The following SRPK2 variants were observed in gnomAD, a reference collection of about 807,000 sequenced individuals.
SRPK2 encodes the protein SRSF protein kinase 2, also known as SFRS protein kinase 2.
A neutral mutation model predicts 90.8 loss-of-function variants in SRPK2; 21 were observed. The observed-to-expected ratio is 0.23, with a 90% CI of 0.16 to 0.33. The LOEUF (loss-of-function observed/expected upper bound fraction) is 0.33. Ranked by LOEUF, SRPK2 falls within the 10% of genes least tolerant of loss-of-function variation. The probability of loss-of-function intolerance (pLI) is 1.00; values close to 1 mark genes in which losing one functional copy is unlikely to be tolerated. For synonymous variants in SRPK2, 288 were observed against 311.1 expected (o/e 0.93, Z 0.78); for missense variants, 620 against 869.0 (o/e 0.71, Z 3.60).
At chr7:105,308,168 G>A (rs544597714) in intron 2 of SRPK2, among the ~76,000 whole-genome samples, 144 of 152,206 alleles carry the variant, frequency 9.5e-4, no homozygotes, top group African/African-American at 3.3e-3. Context: ...TTGTTTTCAT[G>A]GAAAAGTTTG....
intron 2 of SRPK2, among the ~76,000 whole-genome samples, chr7:105,312,786 A>G (rs959564355): frequency 6.6e-6 from 1 of 152,190 alleles, no homozygotes; most frequent in Non-Finnish European, 1.5e-5. Context: ...TGAAGTATAC[A>G]AACAGTTGAT....
At chr7:105,295,554 G>A (rs959099220) in intron 2 of SRPK2, among the ~76,000 whole-genome samples, 20 of 152,148 alleles carry the variant, frequency 1.3e-4, no homozygotes, top group African/African-American at 4.6e-4. Context: ...CTGCTTATAT[G>A]TGGTAGCGAG....
intron 2 of SRPK2, among the ~76,000 whole-genome samples, chr7:105,380,292 C>A (rs958736396): frequency 2.0e-5 from 3 of 151,886 alleles, no homozygotes; most frequent in Non-Finnish European, 2.9e-5. Context: ...CCACCACTCC[C>A]AGCTAATTTC....
rs146091792 is a variant in SRPK2 at position 105,118,394 on chromosome 7, C to T, written c.1916-372G>A. 8.5e-5 allele frequency among the ~76,000 whole-genome samples: 13 copies of T among 152,240 alleles called. No homozygotes were observed. The East Asian group carries it at 2.5e-3, about 29-fold the overall frequency. ...AAAATTTGCAAACTTGAGGCCAACC[C>T]AAATCAAACACCATTCATGTCTACG... On this transcript the variant is annotated intron_variant, in intron 15 of 15. Transcript: ENST00000393651.
intron 2 of SRPK2, among the ~76,000 whole-genome samples, chr7:105,326,547 T>TCA (rs578227412): frequency 6.0e-4 from 91 of 152,136 alleles, no homozygotes; most frequent in Non-Finnish European, 1.1e-3. Context: ...CTAAATACTA[T>TCA]CAATTATGCC....
chr7:105,132,470 T>G (rs1379440077), intron 13 of SRPK2, among the ~76,000 whole-genome samples: 1 of 152,126 alleles, frequency 6.6e-6, no homozygotes, highest in African/African-American at 2.4e-5. Context: ...CCCTGCACAT[T>G]TTCAGGGACC....
At chr7:105,190,063 G>A (rs1229366021) in intron 3 of SRPK2, among the ~76,000 whole-genome samples, 1 of 152,146 alleles carries the variant, frequency 6.6e-6, no homozygotes, top group Non-Finnish European at 1.5e-5. Flanking sequence ...CTCTTAGTGG[G>A]TAATGGCAGC....
At chr7:105,200,473 T>C (rs1417056025) in intron 3 of SRPK2, among the ~76,000 whole-genome samples, 2 of 152,088 alleles carry the variant, frequency 1.3e-5, no homozygotes, top group African/African-American at 2.4e-5. Context: ...CATGAATTTA[T>C]CAGTCCACCC....
intron 15 of SRPK2, among the ~76,000 whole-genome samples, chr7:105,123,062 C>A (rs73717959): frequency 0.04 from 6,118 of 152,062 alleles, 435 homozygotes; most frequent in African/African-American, 0.14. Flanking sequence ...GGGGACCACC[C>A]ACTTCTTGAA....
chr7:105,194,416 T>G (rs952826946), intron 3 of SRPK2, among the ~76,000 whole-genome samples: 1 of 152,126 alleles, frequency 6.6e-6, no homozygotes, highest in African/African-American at 2.4e-5. Context: ...AAACCTCCAT[T>G]TGCCCTGAAA....
At chr7:105,372,252 A>G (rs1194332501) in intron 2 of SRPK2, among the ~76,000 whole-genome samples, 1 of 152,122 alleles carries the variant, frequency 6.6e-6, no homozygotes, top group Non-Finnish European at 1.5e-5. Context: ...TACATAAAAC[A>G]GCTTCATAAA....
At chr7:105,245,410 G>A (rs1225537502) in intron 2 of SRPK2, among the ~76,000 whole-genome samples, 2 of 152,176 alleles carry the variant, frequency 1.3e-5, no homozygotes, top group Admixed American at 6.5e-5. Context: ...GGATCAGTGA[G>A]GACTTTAGAT....
chr7:105,388,181 C>G (rs374082321), intron 2 of SRPK2, among the ~76,000 whole-genome samples: 6 of 152,074 alleles, frequency 3.9e-5, no homozygotes, highest in African/African-American at 1.4e-4. Flanking sequence ...AGACACACGC[C>G]CTCCCGCACA....
intron 2 of SRPK2, 86 bp downstream of exon 2, chr7:105,388,562 G>A (rs1248083250): frequency 1.8e-5 from 23 of 1,272,122 alleles, no homozygotes; most frequent in East Asian, 3.0e-5. Flanking sequence ...CCGGCCCGGG[G>A]ACCCGGACAA....
At chr7:105,294,041 A>G (rs544947660) in intron 2 of SRPK2, among the ~76,000 whole-genome samples, 2 of 152,290 alleles carry the variant, frequency 1.3e-5, no homozygotes, top group East Asian at 3.9e-4. Flanking sequence ...GAGTGATACA[A>G]CATACAACAT....
rs1158350206 is a variant in SRPK2, at chr7:105,280,947, C to CAAAAAAAAAAAAAAAAAA, written c.72-77180_72-77163dup. ...GGGCGACAGAGCGAAGACTCCATCT[C>CAAAAAAAAAAAAAAAAAA]AAAAAAAAAAAAAAAAAAAAAAAAA... On this transcript the variant is annotated intron_variant, in intron 2 of 15. Coordinates refer to ENST00000393651, the MANE Select transcript of SRPK2 (RefSeq NM_182692.3). Among the ~76,000 whole-genome samples the CAAAAAAAAAAAAAAAAAA allele has an allele frequency of 9.2e-5, 4 of 43,326 alleles. 1 individual carries two copies. Among genetic ancestry groups the CAAAAAAAAAAAAAAAAAA allele is most frequent in the African/African-American group, 4.6e-4 (4 of 8,636 alleles). The allele number at this position is 43,326 out of a possible 152,430, so 28.4% of individuals were successfully genotyped here.
chr7:105,227,159 T>C (rs2129618301), intron 2 of SRPK2, among the ~76,000 whole-genome samples: 1 of 152,112 alleles, frequency 6.6e-6, no homozygotes, highest in Middle Eastern at 3.4e-3. Flanking sequence ...CTTAACTCAG[T>C]AATAAAAAAA....
intron 2 of SRPK2, among the ~76,000 whole-genome samples, chr7:105,352,698 G>A (rs538151994): frequency 6.6e-6 from 1 of 152,304 alleles, no homozygotes; most frequent in African/African-American, 2.4e-5. Context: ...TCAGGGTATC[G>A]AGACCAGCCT....
chr7:105,154,251 A>G (rs1584975251), intron 7 of SRPK2, among the ~76,000 whole-genome samples: 1 of 152,382 alleles, frequency 6.6e-6, no homozygotes, highest in African/African-American at 2.4e-5. Flanking sequence ...GGCTCAGGAA[A>G]GCAGCTTAGT....
Sources: gnomAD v4.1 joint callset for allele counts (sites outside exome capture counted in the v4.1 genomes callset) on GRCh38, gnomAD v4.1.1 for gene constraint, MANE v1.5 for transcripts, NCBI Gene and HGNC (gene_info 2026-07-23, HGNC 2026-07-21) for gene names.